The following PCBP2 variants were observed in gnomAD, a reference collection of about 807,000 sequenced individuals.
PCBP2 encodes the protein poly(rC) binding protein 2.
PCBP2 carries 4 observed loss-of-function variants against 50.1 expected under a neutral mutation model. The observed-to-expected ratio is 0.08, with a 90% CI of 0.04 to 0.18. The LOEUF is 0.18. PCBP2 is among the 10% of genes least tolerant of loss of function. The probability of loss-of-function intolerance (pLI) is 1.00; values close to 1 mark genes in which losing one functional copy is unlikely to be tolerated. For missense variants in PCBP2, 161 were observed against 474.3 expected, an observed-to-expected ratio of 0.34 and a Z score of 6.14; for synonymous variants, 179 against 168.0, an observed-to-expected ratio of 1.07 and a Z score of -0.51.
intron 8 of PCBP2, among the ~76,000 whole-genome samples, chr12:53,464,222 A>G (rs1387750513): frequency 2.0e-5 from 3 of 151,740 alleles, no homozygotes; most frequent in East Asian, 1.9e-4. Flanking sequence ...GGTGGCAGCA[A>G]TCCTCTGTAC....
chr12:53,461,643 C>A (rs558102318), intron 7 of PCBP2, among the ~76,000 whole-genome samples: 1 of 152,088 alleles, frequency 6.6e-6, no homozygotes, highest in African/African-American at 2.4e-5. Context: ...TAGCAAAATT[C>A]AGGAAAATTA....
chr12:53,467,485 T>C (rs1941901711), intron 11 of PCBP2, 192 bp downstream of exon 11: 1 of 652,534 alleles, frequency 1.5e-6, no homozygotes, highest in Non-Finnish European at 2.7e-6. Flanking sequence ...TGGGGTCAGT[T>C]ATTCTAAAAG....
chr12:53,477,092 C>A (rs918984685), intron 14 of PCBP2, among the ~76,000 whole-genome samples: 4 of 152,146 alleles, frequency 2.6e-5, no homozygotes, highest in Admixed American at 2.6e-4. Context: ...CTCAGTATTT[C>A]ATAGCATCCC....
intron 13 of PCBP2, among the ~76,000 whole-genome samples, chr12:53,470,654 G>A (rs1942162165): frequency 6.6e-6 from 1 of 151,916 alleles, no homozygotes; most frequent in African/African-American, 2.4e-5. Flanking sequence ...TCAGCCTACA[G>A]GCATGAGCCA....
chr12:53,469,007 A>C (rs564177075), intron 13 of PCBP2, among the ~76,000 whole-genome samples, 175 bp downstream of exon 13: 1 of 150,918 alleles, frequency 6.6e-6, no homozygotes, highest in Non-Finnish European at 1.5e-5. Flanking sequence ...GGTTCAACCA[A>C]TTCTCCTGCC....
chr12:53,462,772 G>A (rs982884116), intron 8 of PCBP2, among the ~76,000 whole-genome samples: 2 of 150,734 alleles, frequency 1.3e-5, no homozygotes, highest in African/African-American at 5.0e-5. Context: ...GTAGGCACTC[G>A]GAAGAGGTAA....
intron 14 of PCBP2, among the ~76,000 whole-genome samples, chr12:53,472,244 C>T (rs1942294526): frequency 6.6e-6 from 1 of 152,178 alleles, no homozygotes; most frequent in African/African-American, 2.4e-5. Context: ...TTCTGGGAGG[C>T]AGCAATTACC....
At position 53,481,005 on chromosome 12, in the gene PCBP2, C is replaced by G. The variant is rs1943013075; in HGVS notation, c.*1563C>G. On this transcript the variant is annotated 3_prime_UTR_variant, in exon 15 of 15. Transcript: ENST00000546463. ...TGTGCCTCATTCATTTCCACAGCTG[C>G]CAGTGTCCCTAGAGTTTATCAGGTG... 4.9e-6 allele frequency: 1 copy of G among 204,916 alleles called. No homozygotes were observed. The highest frequency in any genetic ancestry group is 9.4e-6 in the Non-Finnish European group (1 of 106,932). The allele number at this position is 204,916 out of a possible 1,614,324, so 12.7% of individuals were successfully genotyped here.
chr12:53,470,401 A>AAAAAAG (rs1555207954), intron 13 of PCBP2, among the ~76,000 whole-genome samples: 1 of 104,934 alleles, frequency 9.5e-6, no homozygotes, highest in Non-Finnish European at 2.0e-5. Flanking sequence ...AAAAAAAAAA[A>AAAAAAG]AGTGTAGTGG....
chr12:53,459,369 GA>G lies in PCBP2; in HGVS notation c.345del (p.Gly116ValfsTer59). 6.2e-7 allele frequency: 1 copy of G among 1,612,768 alleles called. No individual in the cohort carries two copies. Among genetic ancestry groups the G allele is most frequent in the South Asian group, 1.1e-5 (1 of 90,956 alleles). On this transcript the variant is annotated frameshift_variant, in exon 6 of 15. Coordinates refer to ENST00000546463, the MANE Select transcript of PCBP2 (RefSeq NM_031989.5). LOFTEE classifies it high-confidence loss of function. ...VPASQCGSLI[G>X]KGGCKIKEIR... ...GCTAGTCAGTGTGGCTCTCTCATTG[GA>G]AAAGGTGGATGCAAGATCAAGGAAA...
intron 5 of PCBP2, among the ~76,000 whole-genome samples, chr12:53,456,686 T>TA (rs1173278325): frequency 6.6e-6 from 1 of 152,206 alleles, no homozygotes; most frequent in Non-Finnish European, 1.5e-5. Context: ...GTGTCAAAAT[T>TA]ACATTTGTTG....
chr12:53,471,924 G>GTTTTTT (rs377649740), intron 14 of PCBP2, 117 bp downstream of exon 14: 3 of 437,320 alleles, frequency 6.9e-6, no homozygotes, highest in East Asian at 5.0e-5. Context: ...TGGCCAAAAG[G>GTTTTTT]TTTTTTTTTT....
At chr12:53,474,965 T>C (rs1041124892) in intron 14 of PCBP2, 31 of 456,646 alleles carry the variant, frequency 6.8e-5, no homozygotes, top group Non-Finnish European at 1.0e-4. Flanking sequence ...CTTCTTCTTC[T>C]TCCTCCTCCA....
chr12:53,477,518 T>A (rs1008116730), intron 14 of PCBP2, among the ~76,000 whole-genome samples: 1 of 151,666 alleles, frequency 6.6e-6, no homozygotes, highest in South Asian at 2.1e-4. Flanking sequence ...ATAAAAAAAT[T>A]AGCTGGGCAT....
intron 14 of PCBP2, among the ~76,000 whole-genome samples, chr12:53,476,530 C>T (rs572134405): frequency 2.6e-5 from 4 of 152,100 alleles, no homozygotes; most frequent in Non-Finnish European, 5.9e-5. Context: ...GATAGCCTTC[C>T]ATTCAACGAG....
chr12:53,465,880 G>A, intron 9 of PCBP2, 52 bp from the exon 10 acceptor site: 2 of 1,449,152 alleles, frequency 1.4e-6, no homozygotes, highest in Non-Finnish European at 9.7e-7. Context: ...CCCCCCACTG[G>A]GTGGCTGTCC....
chr12:53,461,442 G>T (rs533719527), intron 7 of PCBP2, among the ~76,000 whole-genome samples: 1 of 152,184 alleles, frequency 6.6e-6, no homozygotes, highest in Non-Finnish European at 1.5e-5. Context: ...TTGAGTTCCT[G>T]AGTAGCTGAG....
Position 53,480,259 on chromosome 12 carries a change from G to GT in PCBP2, c.*818dup, listed in dbSNP as rs1359201874. 7 of 152,158 alleles carry GT rather than the reference G, an allele frequency of 4.6e-5. No individual in the cohort carries two copies. Among genetic ancestry groups the GT allele is most frequent in the African/African-American group, 1.4e-4 (6 of 41,436 alleles). 9.4% of individuals were successfully genotyped at this position (152,158 alleles called of 1,614,324 possible). ...TAAAAATTTCAGTCTATTGTTTTTA[G>GT]TAACTTCATTTATAGTCCTCCATAA... On this transcript the variant is annotated 3_prime_UTR_variant, in exon 15 of 15. Coordinates refer to ENST00000546463, the MANE Select transcript of PCBP2 (RefSeq NM_031989.5).
At chr12:53,469,981 C>T (rs929718133) in intron 13 of PCBP2, among the ~76,000 whole-genome samples, 3 of 151,664 alleles carry the variant, frequency 2.0e-5, no homozygotes, top group African/African-American at 4.8e-5. Flanking sequence ...CCTGACCTTA[C>T]GTGATCCCCC....
Sources: allele counts gnomAD v4.1 joint callset (sites outside exome capture counted in the v4.1 genomes callset), GRCh38; gene constraint gnomAD v4.1.1; transcripts MANE v1.5; gene names NCBI Gene and HGNC (gene_info 2026-07-23, HGNC 2026-07-21).